The following CAPZB variants were observed in gnomAD, a reference collection of about 807,000 sequenced individuals.
CAPZB encodes the protein capping actin protein of muscle Z-line subunit beta.
Under a neutral mutation model 38.1 loss-of-function variants are expected in CAPZB, and 2 were observed. The ratio of observed to expected loss-of-function variants is 0.05; its 90% CI spans 0.02 to 0.17. The LOEUF (loss-of-function observed/expected upper bound fraction) is 0.17. Ranked by LOEUF, CAPZB falls within the 10% of genes least tolerant of loss-of-function variation. The pLI, the probability that CAPZB is intolerant of heterozygous loss-of-function variation, is 1.00. For missense variants in CAPZB, 161 were observed against 334.2 expected (o/e 0.48, Z 4.04); for synonymous variants, 107 against 127.4 (o/e 0.84, Z 1.08).
In CAPZB at chr1:19,357,741, C is replaced by T. The variant is rs2094029552; in HGVS notation, c.330-178G>A. On this transcript the variant is annotated intron_variant, in intron 4 of 8. Transcript: ENST00000264202. The surrounding 1 kb of genome is among the most constrained non-coding windows in gnomAD (Gnocchi z 4.3). ...GGCTGGGGGAGGGGGTGCAGCATTC[C>T]TGGGGGTGTAGTAGGTTTAGGCGTC... 6.6e-6 allele frequency among the ~76,000 whole-genome samples: 1 copy of T among 151,878 alleles called. No homozygotes were observed. Among genetic ancestry groups the T allele is most frequent in the African/African-American group, 2.4e-5 (1 of 41,320 alleles).
At chr1:19,478,346 T>C (rs1245695925) in intron 1 of CAPZB, among the ~76,000 whole-genome samples, 2 of 152,124 alleles carry the variant, frequency 1.3e-5, no homozygotes, top group Non-Finnish European at 2.9e-5. Flanking sequence ...GAGATAACAC[T>C]CCTACTGCAC....
chr1:19,343,291 TC>T (rs2093942582), intron 8 of CAPZB, among the ~76,000 whole-genome samples: 2 of 152,136 alleles, frequency 1.3e-5, no homozygotes, highest in African/African-American at 4.8e-5. Context: ...CAAAGAGGAC[TC>T]CTCCTCTGTT....
intron 1 of CAPZB, among the ~76,000 whole-genome samples, chr1:19,472,514 C>T (rs1298270787): frequency 6.6e-6 from 1 of 152,058 alleles, no homozygotes; most frequent in Non-Finnish European, 1.5e-5. Context: ...TATCCTCATA[C>T]TATGCTCTAT....
intron 1 of CAPZB, among the ~76,000 whole-genome samples, chr1:19,425,124 C>T (rs2094417639): frequency 6.6e-6 from 1 of 152,206 alleles, no homozygotes; most frequent in South Asian, 2.1e-4. Flanking sequence ...AAACAGAAGG[C>T]CAGTCAGGGG....
At chr1:19,422,453 G>A (rs976257337) in intron 1 of CAPZB, among the ~76,000 whole-genome samples, 1 of 152,136 alleles carries the variant, frequency 6.6e-6, no homozygotes, top group Non-Finnish European at 1.5e-5. Flanking sequence ...GCAGGCAAAC[G>A]TTTTATATAT....
intron 4 of CAPZB, among the ~76,000 whole-genome samples, chr1:19,366,314 A>AT (rs1176738810): frequency 1.4e-5 from 2 of 140,502 alleles, no homozygotes; most frequent in African/African-American, 5.5e-5. Flanking sequence ...ATATATAAAT[A>AT]AAATAAATGG....
chr1:19,411,982 G>C (rs2094358807), intron 2 of CAPZB, among the ~76,000 whole-genome samples: 1 of 152,204 alleles, frequency 6.6e-6, no homozygotes, highest in South Asian at 2.1e-4. Context: ...CCACCGTCCA[G>C]AGCATGCCTC....
chr1:19,426,443 C>T (rs1479904069), intron 1 of CAPZB, among the ~76,000 whole-genome samples: 3 of 148,142 alleles, frequency 2.0e-5, no homozygotes, highest in East Asian at 4.0e-4. Context: ...TGTGGTGGGG[C>T]GGGGGGGGGC....
rs547495791 is a variant in CAPZB, at chr1:19,367,170, A to T, written c.330-9607T>A. On this transcript the variant is annotated intron_variant, in intron 4 of 8. Coordinates refer to ENST00000264202, the MANE Select transcript of CAPZB (RefSeq NM_004930.5). The stretch of plus-strand genomic sequence containing the variant: ...CAAAGTCCAGAGAGCTGCAGACGGC[A>T]CACGAGGGGCTGGAGAGTGTGGGTT... 2.0e-5 allele frequency among the ~76,000 whole-genome samples: 3 copies of T among 152,370 alleles called. No homozygotes were observed. In the South Asian group the frequency reaches 6.2e-4, roughly 32 times the overall value.
intron 1 of CAPZB, among the ~76,000 whole-genome samples, chr1:19,429,958 G>A (rs773785249): frequency 2.4e-4 from 36 of 152,134 alleles, no homozygotes; most frequent in Non-Finnish European, 4.1e-4. Context: ...TGTGTCCATG[G>A]AAGATCACCT....
intron 8 of CAPZB, among the ~76,000 whole-genome samples, chr1:19,341,505 G>A (rs536444356): frequency 1.3e-3 from 192 of 152,334 alleles, no homozygotes; most frequent in African/African-American, 4.3e-3. Flanking sequence ...GGTGGAAGGC[G>A]GAAGGAGCAG....
At chr1:19,391,452 G>A (rs1451321800) in intron 2 of CAPZB, among the ~76,000 whole-genome samples, 1 of 146,956 alleles carries the variant, frequency 6.8e-6, no homozygotes, top group Non-Finnish European at 1.5e-5. Flanking sequence ...CAGATTCTGC[G>A]TACTTGGGTG....
intron 6 of CAPZB, among the ~76,000 whole-genome samples, chr1:19,352,264 C>T (rs1358462391): frequency 6.6e-6 from 1 of 152,226 alleles, no homozygotes; most frequent in Non-Finnish European, 1.5e-5. Flanking sequence ...GGATTTACTG[C>T]CTGAAGATAT....
chr1:19,389,727 G>T (rs531059925), intron 2 of CAPZB, among the ~76,000 whole-genome samples: 2 of 152,270 alleles, frequency 1.3e-5, no homozygotes, highest in African/African-American at 4.8e-5. Flanking sequence ...CGCCTGGCCA[G>T]GCCATGTATT....
intron 3 of CAPZB, 147 bp from the exon 4 acceptor site, chr1:19,378,800 C>T: frequency 1.7e-6 from 1 of 599,252 alleles, no homozygotes; most frequent in East Asian, 2.8e-5. Context: ...TGGCAACAAA[C>T]AGGGCTTTCT....
chr1:19,371,408 C>G (rs201491302), intron 4 of CAPZB, among the ~76,000 whole-genome samples: 1 of 152,234 alleles, frequency 6.6e-6, no homozygotes, highest in South Asian at 2.1e-4. Context: ...AAGGTGCTGG[C>G]TGGACGCAAG....
chr1:19,377,588 A>T (rs757217729), intron 4 of CAPZB, among the ~76,000 whole-genome samples: 3 of 152,270 alleles, frequency 2.0e-5, no homozygotes, highest in Non-Finnish European at 2.9e-5. Context: ...CAAACCAAGA[A>T]GCAGCAACAG....
At chr1:19,433,299 A>G (rs2094448249) in intron 1 of CAPZB, among the ~76,000 whole-genome samples, 1 of 152,258 alleles carries the variant, frequency 6.6e-6, no homozygotes, top group African/African-American at 2.4e-5. Flanking sequence ...AGCCTTTCAC[A>G]AAAGTGGAAG....
intron 4 of CAPZB, among the ~76,000 whole-genome samples, chr1:19,365,900 G>A (rs2094081858): frequency 6.6e-6 from 1 of 152,258 alleles, no homozygotes; most frequent in African/African-American, 2.4e-5. Context: ...AAGTAGAAGG[G>A]AACACAGGAG....
Sources: allele counts gnomAD v4.1 joint callset (sites outside exome capture counted in the v4.1 genomes callset), GRCh38; gene constraint gnomAD v4.1.1; non-coding constraint Gnocchi (gnomAD v3.1); transcripts MANE v1.5; gene names NCBI Gene and HGNC (gene_info 2026-07-23, HGNC 2026-07-21).